The following EYS variants were observed in gnomAD, a reference collection of about 807,000 sequenced individuals.
EYS encodes the protein EGF-like photoreceptor maintenance factor, also known as protein eyes shut homolog.
Under a neutral mutation model 282.1 loss-of-function variants are expected in EYS, and 250 were observed. The observed-to-expected ratio is 0.89, with a 90% confidence interval of 0.80 to 0.98. EYS has a LOEUF of 0.98. Ranked by LOEUF, EYS falls within the 50% of genes least tolerant of loss-of-function variation. The pLI is 0.00. For missense variants in EYS, 4,016 were observed against 3,709.0 expected, an observed-to-expected ratio of 1.08 and a Z score of -2.15; for synonymous variants, 1,355 against 1,282.9, an observed-to-expected ratio of 1.06 and a Z score of -1.20.
At chr6:64,797,191 G>T (rs377415191) in intron 22 of EYS, among the ~76,000 whole-genome samples, 1 of 152,000 alleles carries the variant, frequency 6.6e-6, no homozygotes, top group Admixed American at 6.6e-5. Flanking sequence ...ACCAAGAAAA[G>T]AAGTAATGGG....
intron 5 of EYS, among the ~76,000 whole-genome samples, chr6:65,447,332 GTA>G (rs3049735): frequency 2.6e-4 from 37 of 140,240 alleles, no homozygotes; most frequent in African/African-American, 8.0e-4. Flanking sequence ...ATATGTGTGT[GTA>G]TATATATATA....
chr6:64,632,525 A>G (rs1767817866), intron 22 of EYS, among the ~76,000 whole-genome samples: 2 of 10,104 alleles, frequency 2.0e-4, no homozygotes, highest in Non-Finnish European at 3.3e-4. Flanking sequence ...ACCATAAACC[A>G]AACCAAACCA....
At chr6:63,880,290 A>G (rs1448361092) in intron 35 of EYS, among the ~76,000 whole-genome samples, 1 of 152,148 alleles carries the variant, frequency 6.6e-6, no homozygotes, top group Admixed American at 6.6e-5. Context: ...CTTCCAGCCT[A>G]CATTTTTCTC....
At position 65,664,664 on chromosome 6, in the gene EYS, T is replaced by A. The variant is rs16897025; in HGVS notation, c.-447-24772A>T. The stretch of plus-strand genomic sequence containing the variant: ...GTTCAATATGAAATTTCTCCACTTA[T>A]AAATTATTTCACCTTAGGGAAGTTA... On this transcript the variant is annotated intron_variant, in intron 1 of 42. Coordinates refer to ENST00000503581, the MANE Select transcript of EYS (RefSeq NM_001142800.2). Among the ~76,000 whole-genome samples the A allele has an allele frequency of 9.2e-3, 1,399 of 152,258 alleles. 22 individuals are homozygous for A. The highest frequency in any genetic ancestry group is 0.031 in the African/African-American group (1,307 of 41,552).
chr6:64,506,955 C>A (rs1777229831), intron 26 of EYS, among the ~76,000 whole-genome samples: 1 of 125,694 alleles, frequency 8.0e-6, no homozygotes. Flanking sequence ...CTAAAGTAGT[C>A]CTCCCTCCAG....
chr6:65,475,746 CAGACAG>C (rs1765377149), intron 5 of EYS, among the ~76,000 whole-genome samples: 1 of 129,734 alleles, frequency 7.7e-6, no homozygotes, highest in African/African-American at 2.8e-5. Flanking sequence ...GACAGACAGA[CAGACAG>C]ACAGACACAC....
intron 30 of EYS, among the ~76,000 whole-genome samples, chr6:64,299,871 C>G (rs528148603): frequency 6.6e-6 from 1 of 152,028 alleles, no homozygotes; most frequent in African/African-American, 2.4e-5. Context: ...GTGAGGTTGG[C>G]TCTGGTCCCA....
chr6:64,842,118 C>G (rs1765580188), intron 19 of EYS, among the ~76,000 whole-genome samples: 1 of 152,000 alleles, frequency 6.6e-6, no homozygotes, highest in African/African-American at 2.4e-5. Context: ...AACTAACATA[C>G]AGGGCATTAA....
intron 35 of EYS, among the ~76,000 whole-genome samples, chr6:63,910,382 C>T (rs1165100990): frequency 6.6e-6 from 1 of 152,144 alleles, no homozygotes; most frequent in Admixed American, 6.5e-5. Context: ...TAATCAGACA[C>T]AGGCGATTCT....
chr6:63,753,630 G>A (rs942615750), intron 41 of EYS, among the ~76,000 whole-genome samples: 3 of 151,990 alleles, frequency 2.0e-5, no homozygotes, highest in African/African-American at 7.3e-5. Flanking sequence ...AGAATAGCAT[G>A]GGGAAAACTG....
At chr6:64,739,226 A>G (rs1456433032) in intron 22 of EYS, among the ~76,000 whole-genome samples, 1 of 152,192 alleles carries the variant, frequency 6.6e-6, no homozygotes, top group African/African-American at 2.4e-5. Context: ...GATAATCACT[A>G]TTTTGTTTTT....
At chr6:64,696,873 C>T (rs1770600752) in intron 22 of EYS, among the ~76,000 whole-genome samples, 1 of 151,938 alleles carries the variant, frequency 6.6e-6, no homozygotes, top group Non-Finnish European at 1.5e-5. Context: ...AAAGTTGATA[C>T]CAGCCATCAT....
intron 36 of EYS, among the ~76,000 whole-genome samples, chr6:63,816,447 C>A (rs1582236295): frequency 6.6e-6 from 1 of 152,262 alleles, no homozygotes; most frequent in East Asian, 1.9e-4. Flanking sequence ...CTAACCCTGA[C>A]CATCTTAAGC....
At chr6:65,504,913 G>T (rs1766600317) in intron 2 of EYS, among the ~76,000 whole-genome samples, 1 of 151,676 alleles carries the variant, frequency 6.6e-6, no homozygotes, top group Non-Finnish European at 1.5e-5. Flanking sequence ...TTAGGGTAAT[G>T]CTAGCCTCAG....
intron 2 of EYS, among the ~76,000 whole-genome samples, chr6:65,497,314 A>G (rs1766290054): frequency 6.6e-6 from 1 of 152,064 alleles, no homozygotes; most frequent in South Asian, 2.1e-4. Context: ...CTATCAACAA[A>G]ATAGTCTAAC....
intron 24 of EYS, among the ~76,000 whole-genome samples, chr6:64,612,314 CT>C (rs1767139105): frequency 6.6e-6 from 1 of 152,036 alleles, no homozygotes; most frequent in Non-Finnish European, 1.5e-5. Context: ...CACAATAAGC[CT>C]GACCAATAGA....
intron 2 of EYS, among the ~76,000 whole-genome samples, chr6:65,510,110 C>T (rs943648664): frequency 1.3e-4 from 19 of 150,630 alleles, no homozygotes; most frequent in South Asian, 4.2e-4. Context: ...CATGCTGGTG[C>T]GCTGCACCCA....
intron 36 of EYS, among the ~76,000 whole-genome samples, chr6:63,847,439 CTGTT>C (rs1279842289): frequency 6.6e-6 from 1 of 152,128 alleles, no homozygotes; most frequent in African/African-American, 2.4e-5. Flanking sequence ...GCCATCCCCT[CTGTT>C]TGCTCTCCCT....
At chr6:64,434,222 C>A (rs781217809) in intron 28 of EYS, among the ~76,000 whole-genome samples, 10 of 151,862 alleles carry the variant, frequency 6.6e-5, no homozygotes, top group Admixed American at 2.0e-4. Context: ...CAAAAGAAAT[C>A]AAACCTGTTG....
Sources: allele counts gnomAD v4.1 joint callset (sites outside exome capture counted in the v4.1 genomes callset), GRCh38; gene constraint gnomAD v4.1.1; transcripts MANE v1.5; gene names NCBI Gene and HGNC (gene_info 2026-07-23, HGNC 2026-07-21).